The following ZNF862 variants were observed in gnomAD, a reference collection of about 807,000 sequenced individuals.
The protein encoded by ZNF862 is zinc finger protein 862.
In ZNF862, 64 loss-of-function variants were observed where a neutral mutation model predicts 91.1. That is an observed-to-expected ratio of 0.70 (90% CI 0.57 to 0.87). The LOEUF is 0.87. Among genes scored for constraint, ZNF862 ranks in the 40% least tolerant of loss-of-function variants. ZNF862 has a pLI of 0.00. For synonymous variants in ZNF862, 631 were observed against 618.1 expected (o/e 1.02, Z -0.31); for missense variants, 1,459 against 1,528.0 (o/e 0.95, Z 0.75).
At position 149,866,606 on chromosome 7, in the gene ZNF862, C is replaced by T. The variant is rs142790235; in HGVS notation, c.*2322C>T. 4 of 152,262 alleles carry T rather than the reference C, an allele frequency of 2.6e-5. No homozygotes were observed. The East Asian group carries it at 7.7e-4, about 29-fold the overall frequency. 9.4% of individuals were successfully genotyped at this position (152,262 alleles called of 1,614,324 possible). ...TCTCCACGTCAGCATCAGCGTGCTC[C>T]GAGGACACCGGCCAGTGCCTTCCTT... On this transcript the variant is annotated 3_prime_UTR_variant, in exon 8 of 8. Coordinates refer to ENST00000223210, the MANE Select transcript of ZNF862 (RefSeq NM_001099220.3).
In ZNF862 at chr7:149,846,184, A is replaced by C. The variant is rs1801865125; in HGVS notation, c.170A>C (p.Lys57Thr). 6.2e-7 allele frequency: 1 copy of C among 1,613,608 alleles called. No individual in the cohort carries two copies. Among genetic ancestry groups the C allele is most frequent in the Non-Finnish European group, 8.5e-7 (1 of 1,179,808 alleles). ...GTTGCCAATCCTGAGCTGTTCCGCA[A>C]GTTCGGACGAGGGCCAGAGCCATGG... Reference protein sequence around the residue: ...PTVANPELFRKFGRGPEPWLG... With the variant: ...PTVANPELFRTFGRGPEPWLG... Residue 57 changes from lysine to threonine, a missense_variant, in exon 3 of 8, where the codon AAG (lysine) becomes ACG (threonine). Physicochemically the swap from Lys to Thr is moderately conservative, Grantham distance 78. Transcript: ENST00000223210.
chr7:149,862,203 C>G lies in ZNF862; in HGVS notation c.3043C>G (p.Gln1015Glu). 6.2e-7 allele frequency: 1 copy of G among 1,613,624 alleles called. No individual in the cohort carries two copies. The highest frequency in any genetic ancestry group is 8.5e-7 in the Non-Finnish European group (1 of 1,179,872). The change falls in exon 7 of 8, where the codon CAG (glutamine) becomes GAG (glutamate). Residue 1015 changes from glutamine (Q) to glutamate (E), a missense_variant. Coordinates refer to ENST00000223210, the MANE Select transcript of ZNF862 (RefSeq NM_001099220.3). ...CATGCTCTGCAAAAACGCCCTGGCC[C>G]AGCACTGCCGCTTCCCCCTGCTAAG... ...FSMLCKNALA[Q>E]HCRFPLLSKL...
At position 149,855,797 on chromosome 7, in the gene ZNF862, T is replaced by C. The variant is rs1001299515; in HGVS notation, c.1118-3625T>C. On this transcript the variant is annotated intron_variant, in intron 5 of 7. Transcript: ENST00000223210. This position sits in a 1 kb window ranked among gnomAD's most constrained non-coding sequence, Gnocchi z 4.1. Reference sequence around the variant, plus strand: ...CCCCATGTGGCCCACATCTGAACCATAGAAGCACTTCCAGACCCTGTGCTC... The same window carrying C: ...CCCCATGTGGCCCACATCTGAACCACAGAAGCACTTCCAGACCCTGTGCTC... 6.6e-6 allele frequency among the ~76,000 whole-genome samples: 1 copy of C among 152,154 alleles called. No homozygotes were observed. The highest frequency in any genetic ancestry group is 1.5e-5 in the Non-Finnish European group (1 of 68,016).
chr7:149,838,642 C>G lies in ZNF862; in HGVS notation c.24+7C>G. On this transcript the variant is annotated splice_region_variant and intron_variant, in intron 1 of 7. Transcript: ENST00000223210. ...GCCCAGAGAGTCGGGGAAGGTAGGA[C>G]TGGAAGGCCCGGGGGCCGCCCGCTC... is the stretch of plus-strand genomic sequence containing the variant. 2 of 1,225,842 alleles carry G rather than the reference C, an allele frequency of 1.6e-6. No individual in the cohort carries two copies. The highest frequency in any genetic ancestry group is 2.0e-6 in the Non-Finnish European group (2 of 978,014). 75.9% of individuals were successfully genotyped at this position (1,225,842 alleles called of 1,614,324 possible).
chr7:149,859,800 A>G (rs1197691678), intron 6 of ZNF862: 2 of 395,554 alleles, frequency 5.1e-6, no homozygotes, highest in South Asian at 4.6e-5. Flanking sequence ...ACGTGGGGAC[A>G]CTGGTCTCGA....
chr7:149,843,189 A>T (rs1325248815), intron 1 of ZNF862, among the ~76,000 whole-genome samples: 2 of 152,220 alleles, frequency 1.3e-5, no homozygotes, highest in Non-Finnish European at 2.9e-5. Flanking sequence ...AATCTATTAT[A>T]ATAGTGACCG....
chr7:149,857,965 C>T (rs1477830072), intron 5 of ZNF862, among the ~76,000 whole-genome samples: 1 of 152,088 alleles, frequency 6.6e-6, no homozygotes, highest in African/African-American at 2.4e-5. Flanking sequence ...GGGTCTGGAG[C>T]CTTTCTGGAT....
At chr7:149,846,601 T>TGAAC (rs1015629742) in intron 3 of ZNF862, among the ~76,000 whole-genome samples, 1 of 152,048 alleles carries the variant, frequency 6.6e-6, no homozygotes, top group African/African-American at 2.4e-5. Flanking sequence ...ACTGAATGAA[T>TGAAC]GAATGAATGA....
In ZNF862 at chr7:149,861,632, G is replaced by A. The variant is rs201611971; in HGVS notation, c.2472G>A (p.Arg824=). The A allele has an allele frequency of 1.9e-4, 306 of 1,604,996 alleles. 1 individual carries two copies. The African/African-American group carries it at 3.3e-3, about 18-fold the overall frequency. ...AGGCTGGGGGCCAGATTGGGCACCG[G>A]GCCAAAGGGATGCTGAAGCTCATGC... ...VAEAGGQIGH[R]AKGMLKLMRG... is the part of the protein sequence containing the mutation. The change falls in exon 7 of 8, where the codon CGG becomes CGA. Residue 824 remains arginine, a synonymous_variant. Transcript: ENST00000223210. This position sits in a 1 kb window ranked among gnomAD's most constrained non-coding sequence, Gnocchi z 6.7.
Position 149,861,612 on chromosome 7 carries a change from G to C in ZNF862, c.2452G>C (p.Gly818Arg), listed in dbSNP as rs769339800. Residue 818 changes from glycine to arginine, a missense_variant, in exon 7 of 8, where the codon GGG becomes CGG. By Grantham distance (125) the Gly-to-Arg change is moderately radical. Transcript: ENST00000223210. This position sits in a 1 kb window ranked among gnomAD's most constrained non-coding sequence, Gnocchi z 6.7. ...ARHLQRVAEA[G>R]GQIGHRAKGM... is the part of the protein sequence containing the mutation. Reference sequence around the variant, plus strand: ...GCACCTCCAGAGGGTGGCAGAGGCTGGGGGCCAGATTGGGCACCGGGCCAA... The same window carrying C: ...GCACCTCCAGAGGGTGGCAGAGGCTCGGGGCCAGATTGGGCACCGGGCCAA... 2.5e-6 allele frequency: 4 copies of C among 1,601,750 alleles called. No homozygotes were observed. Among genetic ancestry groups the C allele is most frequent in the South Asian group, 2.2e-5 (2 of 89,948 alleles).
intron 1 of ZNF862, among the ~76,000 whole-genome samples, chr7:149,839,626 A>G (rs1801631885): frequency 6.6e-6 from 1 of 152,194 alleles, no homozygotes; most frequent in Non-Finnish European, 1.5e-5. Context: ...GGTTCTTTTG[A>G]TGCTGTAGTT....
chr7:149,867,336 G>A lies in ZNF862; in HGVS notation c.*3052G>A, dbSNP rs1586082895. 1 of 152,130 alleles carries A rather than the reference G, an allele frequency of 6.6e-6. No individual in the cohort carries two copies. Among genetic ancestry groups the A allele is most frequent in the African/African-American group, 2.4e-5 (1 of 41,408 alleles). The allele number at this position is 152,130 out of a possible 1,614,324, so 9.4% of individuals were successfully genotyped here. A position where few individuals can be genotyped will look rare whatever the true frequency, so the allele number is the denominator to read the frequency against. On this transcript the variant is annotated 3_prime_UTR_variant, in exon 8 of 8. Coordinates refer to ENST00000223210, the MANE Select transcript of ZNF862 (RefSeq NM_001099220.3). ...TGTGGAGGGGCGGGTCCCTCATACA[G>A]GTGTGTGCTTAGCCAAATACAGTAA...
Position 149,866,480 on chromosome 7 carries a change from G to A in ZNF862, c.*2196G>A, listed in dbSNP as rs1802731153. The A allele has an allele frequency of 6.6e-6, 1 of 152,210 alleles. No individual in the cohort carries two copies. Among genetic ancestry groups the A allele is most frequent in the Admixed American group, 6.5e-5 (1 of 15,276 alleles). The allele number at this position is 152,210 out of a possible 1,614,324, so 9.4% of individuals were successfully genotyped here. A position where few individuals can be genotyped will look rare whatever the true frequency, so the allele number is the denominator to read the frequency against. On this transcript the variant is annotated 3_prime_UTR_variant, in exon 8 of 8. Coordinates refer to ENST00000223210, the MANE Select transcript of ZNF862 (RefSeq NM_001099220.3). ...TTCCTGCGGCCTCTTCATCCTTGAAGAATCCCTCAGAGCAGGAGGCCATCC... is the reference window on the plus strand; with the variant it reads ...TTCCTGCGGCCTCTTCATCCTTGAAAAATCCCTCAGAGCAGGAGGCCATCC...
rs200565750 is a variant in ZNF862, at chr7:149,861,417, G to A, written c.2257G>A (p.Val753Ile). The A allele has an allele frequency of 7.8e-5, 126 of 1,613,322 alleles. No individual in the cohort carries two copies. The East Asian group carries it at 9.8e-4, about 13-fold the overall frequency. The change falls in exon 7 of 8, where the codon GTC (valine) becomes ATC (isoleucine). Residue 753 changes from valine (V) to isoleucine (I), a missense_variant. By Grantham distance (29) the Val-to-Ile change is conservative (BLOSUM62 3). Coordinates refer to ENST00000223210, the MANE Select transcript of ZNF862 (RefSeq NM_001099220.3). The surrounding 1 kb of genome is among the most constrained non-coding windows in gnomAD (Gnocchi z 6.7). ...VKKCDRHIRT[V>I]FKFYQSSNKR... Reference sequence around the variant, plus strand: ...GAAGTGTGACCGGCACATCCGCACCGTCTTCAAGTTTTATCAGTCCTCAAA... The same window carrying A: ...GAAGTGTGACCGGCACATCCGCACCATCTTCAAGTTTTATCAGTCCTCAAA...
Position 149,862,394 on chromosome 7 carries a change from C to G in ZNF862, c.3234C>G (p.Tyr1078Ter), listed in dbSNP as rs370964899. The G allele has an allele frequency of 6.2e-7, 1 of 1,612,080 alleles. No homozygotes were observed. The highest frequency in any genetic ancestry group is 8.5e-7 in the Non-Finnish European group (1 of 1,179,488). The change falls in exon 7 of 8, where the codon TAC (tyrosine) becomes TAG (stop). Residue 1078 changes from tyrosine to a stop codon, truncating the protein, a stop_gained. Coordinates refer to ENST00000223210, the MANE Select transcript of ZNF862 (RefSeq NM_001099220.3). LOFTEE classifies it high-confidence loss of function. ...TAVNGVAVTE[Y>*]DPQPAIQHWY... ...TGAACGGCGTGGCCGTCACGGAGTA[C>G]GACCCCCAGCCCGCCATCCAGCACT... is the stretch of plus-strand genomic sequence containing the variant.
At chr7:149,863,952 C>T (rs368021184) in intron 7 of ZNF862, among the ~76,000 whole-genome samples, 157 bp from the exon 8 acceptor site, 47 of 152,370 alleles carry the variant, frequency 3.1e-4, no homozygotes, top group African/African-American at 1.0e-3. Context: ...AAAGAATGAA[C>T]AGAGTAGCAA....
chr7:149,841,130 C>A (rs1402173612), intron 1 of ZNF862: 1 of 985,448 alleles, frequency 1.0e-6, no homozygotes, highest in Non-Finnish European at 1.2e-6. Flanking sequence ...ACAAAACCAA[C>A]TGTCAGTGTA....
At chr7:149,863,890 T>C (rs1802610257) in intron 7 of ZNF862, among the ~76,000 whole-genome samples, 1 of 152,220 alleles carries the variant, frequency 6.6e-6, no homozygotes, top group Admixed American at 6.5e-5. Flanking sequence ...CATTGGCAAA[T>C]GGCCCCTGGG....
Position 149,860,501 on chromosome 7 carries a change from T to A in ZNF862, c.1341T>A (p.Cys447Ter). Residue 447 changes from cysteine to a stop codon, truncating the protein, a stop_gained, in exon 7 of 8, where the codon TGT becomes TGA. Coordinates refer to ENST00000223210, the MANE Select transcript of ZNF862 (RefSeq NM_001099220.3). LOFTEE classifies it high-confidence loss of function. ...CCTCCTGCTGCAGTTCCAGCATTTGTGAGGAAGGAGATGGACCTAGGAGAA... is the reference window on the plus strand; with the variant it reads ...CCTCCTGCTGCAGTTCCAGCATTTGAGAGGAAGGAGATGGACCTAGGAGAA... Reference protein sequence around the residue: ...ARASCCSSSICEEGDGPRRIK... With the variant: ...ARASCCSSSI 5 of 1,613,846 alleles carry A rather than the reference T, an allele frequency of 3.1e-6. No individual in the cohort carries two copies. Among genetic ancestry groups the A allele is most frequent in the Non-Finnish European group, 4.2e-6 (5 of 1,179,866 alleles).
Sources: allele counts gnomAD v4.1 joint callset (sites outside exome capture counted in the v4.1 genomes callset), GRCh38; gene constraint gnomAD v4.1.1; non-coding constraint Gnocchi (gnomAD v3.1); transcripts MANE v1.5; gene names NCBI Gene and HGNC (gene_info 2026-07-23, HGNC 2026-07-21).